CCSER1: variants seen among roughly 807,000 people sequenced by gnomAD.
CCSER1 encodes the protein coiled-coil serine rich protein 1, also known as serine-rich coiled-coil domain-containing protein 1.
A neutral mutation model predicts 82.0 loss-of-function variants in CCSER1; 41 were observed. The observed-to-expected ratio is 0.50, with a 90% CI of 0.39 to 0.65. The LOEUF (loss-of-function observed/expected upper bound fraction) is 0.65, where lower values mean the gene tolerates loss of function less well. Among genes scored for constraint, CCSER1 ranks in the 30% least tolerant of loss-of-function variants. CCSER1 has a pLI of 0.00. For synonymous variants in CCSER1, 414 were observed against 383.9 expected, an observed-to-expected ratio of 1.08 and a Z score of -0.92; for missense variants, 1,119 against 1,064.2, an observed-to-expected ratio of 1.05 and a Z score of -0.72.
chr4:90,965,565 G>A (rs1450566343), intron 9 of CCSER1, among the ~76,000 whole-genome samples: 1 of 152,106 alleles, frequency 6.6e-6, no homozygotes, highest in Non-Finnish European at 1.5e-5. Context: ...TTAATTGTAA[G>A]TTGATCACTA....
intron 7 of CCSER1, among the ~76,000 whole-genome samples, chr4:90,787,110 C>G (rs1754620622): frequency 6.6e-6 from 1 of 152,208 alleles, no homozygotes; most frequent in Non-Finnish European, 1.5e-5. Context: ...TCTAGGAACT[C>G]TACACCTTCA....
chr4:91,564,043 C>G (rs1210070699), intron 10 of CCSER1, among the ~76,000 whole-genome samples: 1 of 151,764 alleles, frequency 6.6e-6, no homozygotes, highest in Non-Finnish European at 1.5e-5. Flanking sequence ...TACTCCCAGC[C>G]TCCCCCATTA....
chr4:90,255,226 T>G (rs569314831), intron 1 of CCSER1, among the ~76,000 whole-genome samples: 29 of 152,292 alleles, frequency 1.9e-4, no homozygotes, highest in African/African-American at 6.7e-4. Context: ...CAAAGAAAAT[T>G]ATAAAAATTA....
chr4:90,555,948 A>G (rs574246780), intron 5 of CCSER1, among the ~76,000 whole-genome samples: 1 of 152,274 alleles, frequency 6.6e-6, no homozygotes, highest in Non-Finnish European at 1.5e-5. Flanking sequence ...TTATTTCCTA[A>G]TATTTTACCA....
chr4:90,272,243 A>G (rs1306662795), intron 1 of CCSER1, among the ~76,000 whole-genome samples: 2 of 152,146 alleles, frequency 1.3e-5, no homozygotes, highest in African/African-American at 4.8e-5. Flanking sequence ...TGATTTTTAA[A>G]TGGTCAAACG....
chr4:91,068,979 T>G lies in CCSER1; in HGVS notation c.2173-16971T>G, dbSNP rs534256088. ...AGGTGGATCACCTGAGGTCAGGAGT[T>G]TGAGACCAGCCTGGCAAAATCCTGT... On this transcript the variant is annotated intron_variant, in intron 9 of 10. Transcript: ENST00000509176. Among the ~76,000 whole-genome samples, 687 of 152,004 alleles carry G rather than the reference T, an allele frequency of 4.5e-3. 4 individuals are homozygous for G. Among genetic ancestry groups the G allele is most frequent in the Non-Finnish European group, 5.5e-3 (371 of 67,964 alleles).
chr4:90,820,104 G>T (rs1561194754), intron 8 of CCSER1, among the ~76,000 whole-genome samples: 1 of 152,086 alleles, frequency 6.6e-6, no homozygotes, highest in Non-Finnish European at 1.5e-5. Flanking sequence ...CATCTTCCTG[G>T]GGCCTTAGCT....
intron 5 of CCSER1, among the ~76,000 whole-genome samples, chr4:90,588,247 T>C (rs780702336): frequency 3.3e-5 from 5 of 152,220 alleles, no homozygotes; most frequent in Non-Finnish European, 5.9e-5. Flanking sequence ...TATCATTTGA[T>C]AGCATTTAAC....
At chr4:90,864,619 C>A (rs1765512633) in intron 8 of CCSER1, among the ~76,000 whole-genome samples, 1 of 151,986 alleles carries the variant, frequency 6.6e-6, no homozygotes, top group South Asian at 2.1e-4. Context: ...TTATAAATTA[C>A]CCAGTTTGTG....
intron 6 of CCSER1, among the ~76,000 whole-genome samples, chr4:90,632,946 G>A (rs1325034738): frequency 6.6e-6 from 1 of 152,030 alleles, no homozygotes; most frequent in East Asian, 1.9e-4. Context: ...ATGTGATCAA[G>A]TCAGTCCCTG....
intron 6 of CCSER1, among the ~76,000 whole-genome samples, chr4:90,651,251 T>G (rs569611826): frequency 4.6e-5 from 7 of 152,304 alleles, no homozygotes; most frequent in African/African-American, 7.2e-5. Flanking sequence ...ATGTTTATTG[T>G]GGCACTATTC....
intron 10 of CCSER1, among the ~76,000 whole-genome samples, chr4:91,383,537 A>T (rs1751076472): frequency 6.6e-6 from 1 of 152,172 alleles, no homozygotes; most frequent in Non-Finnish European, 1.5e-5. Context: ...TGTAAATACT[A>T]GTGAAACTTT....
chr4:91,493,473 TAAATG>T, intron 10 of CCSER1, among the ~76,000 whole-genome samples: 1 of 151,818 alleles, frequency 6.6e-6, no homozygotes, highest in Non-Finnish European at 1.5e-5. Flanking sequence ...AGTATTCTTT[TAAATG>T]AAATATTTAT....
chr4:90,608,398 CTGAT>C (rs1785014809), intron 5 of CCSER1, among the ~76,000 whole-genome samples: 1 of 152,136 alleles, frequency 6.6e-6, no homozygotes, highest in African/African-American at 2.4e-5. Context: ...AAAGGGTCCT[CTGAT>C]TGGGGACTGG....
chr4:90,857,634 T>A (rs997017119), intron 8 of CCSER1, among the ~76,000 whole-genome samples: 4 of 152,018 alleles, frequency 2.6e-5, no homozygotes, highest in Non-Finnish European at 4.4e-5. Flanking sequence ...ATGACATAGA[T>A]TATGGGTTTT....
chr4:91,004,053 G>A (rs1447761319), intron 9 of CCSER1, among the ~76,000 whole-genome samples: 1 of 152,298 alleles, frequency 6.6e-6, no homozygotes, highest in East Asian at 1.9e-4. Flanking sequence ...TCCACAGTTT[G>A]GGCACCCACA....
At chr4:90,418,319 T>G (rs186678069) in intron 4 of CCSER1, among the ~76,000 whole-genome samples, 30 of 152,192 alleles carry the variant, frequency 2.0e-4, no homozygotes, top group Non-Finnish European at 3.7e-4. Flanking sequence ...CATCTGATTC[T>G]GACAGATTTA....
intron 10 of CCSER1, among the ~76,000 whole-genome samples, chr4:91,150,548 G>A (rs1040260263): frequency 1.7e-4 from 26 of 152,278 alleles, no homozygotes; most frequent in Middle Eastern, 3.4e-3. Context: ...GGGCATCCCT[G>A]TCTTGTGTGC....
At chr4:90,476,820 G>T (rs1765185018) in intron 5 of CCSER1, among the ~76,000 whole-genome samples, 1 of 152,054 alleles carries the variant, frequency 6.6e-6, no homozygotes, top group Non-Finnish European at 1.5e-5. Context: ...AAATCCTATT[G>T]TAACGTTTGC....
Sources: allele counts gnomAD v4.1 joint callset (sites outside exome capture counted in the v4.1 genomes callset), GRCh38; gene constraint gnomAD v4.1.1; transcripts MANE v1.5; gene names NCBI Gene and HGNC (gene_info 2026-07-23, HGNC 2026-07-21).